The following RNF213 variants were observed in gnomAD, a reference collection of about 807,000 sequenced individuals.
RNF213 encodes the protein E3 ubiquitin-protein ligase RNF213.
RNF213 carries 341 observed loss-of-function variants against 514.4 expected under a neutral mutation model. That is an observed-to-expected ratio of 0.66 (90% CI 0.61 to 0.73). The LOEUF is 0.73. RNF213 is among the 30% of genes least tolerant of loss of function. RNF213 has a pLI of 0.00. For missense variants in RNF213, 5,767 were observed against 6,615.6 expected (o/e 0.87, Z 4.45); for synonymous variants, 2,655 against 2,658.2 (o/e 1.00, Z 0.04).
intron 8 of RNF213, among the ~76,000 whole-genome samples, chr17:80,294,016 G>C (rs2044843603): frequency 6.6e-6 from 1 of 152,198 alleles, no homozygotes; most frequent in Non-Finnish European, 1.5e-5. Flanking sequence ...GAGGAGGCCT[G>C]TCCGGGCGCT....
intron 20 of RNF213, among the ~76,000 whole-genome samples, chr17:80,329,150 C>G (rs1286779131): frequency 6.6e-6 from 1 of 152,238 alleles, no homozygotes; most frequent in African/African-American, 2.4e-5. Flanking sequence ...TGCCTGGCAC[C>G]TGGGTTAGAC....
At chr17:80,331,756 A>G (rs1296799402) in intron 20 of RNF213, among the ~76,000 whole-genome samples, 2 of 152,196 alleles carry the variant, frequency 1.3e-5, no homozygotes, top group Non-Finnish European at 2.9e-5. Flanking sequence ...CAAAGAGAGT[A>G]AATAGGTGCG....
At chr17:80,310,186 G>T (rs903008978) in intron 14 of RNF213, among the ~76,000 whole-genome samples, 1 of 152,138 alleles carries the variant, frequency 6.6e-6, no homozygotes, top group Admixed American at 6.5e-5. Context: ...TCTCTGTGCA[G>T]TTTTCACCCA....
At position 80,380,899 on chromosome 17, in the gene RNF213, G is replaced by C. The variant is rs1480766831; in HGVS notation, c.13709G>C (p.Cys4570Ser). The change falls in exon 56 of 68, where the codon TGT becomes TCT. Residue 4570 changes from cysteine to serine, a missense_variant. By Grantham distance (112) the Cys-to-Ser change is moderately radical. This residue lies in a region of RNF213 where 1,245 missense variants were observed against 1,339.0 expected (regional missense o/e 0.93). Coordinates refer to ENST00000582970, the MANE Select transcript of RNF213 (RefSeq NM_001256071.3). ...CCGCAGCGGAGAGACGTGGTGACAT[G>C]TGACCGAGGGCTGCCCCCAGTGGTC... Reference protein sequence around the residue: ...GNPQRRDVVTCDRGLPPVVFL... With the variant: ...GNPQRRDVVTSDRGLPPVVFL... 2 of 1,614,064 alleles carry C rather than the reference G, an allele frequency of 1.2e-6. No homozygotes were observed. Among genetic ancestry groups the C allele is most frequent in the African/African-American group, 2.7e-5 (2 of 74,902 alleles).
chr17:80,293,825 TAA>T, intron 8 of RNF213, among the ~76,000 whole-genome samples: 1 of 142,658 alleles, frequency 7.0e-6, no homozygotes, highest in East Asian at 2.0e-4. Flanking sequence ...AGACTCAGTC[TAA>T]AAAAAAAAAA....
rs367758434 is a variant in RNF213 at position 80,288,152 on chromosome 17, C to T, written c.599C>T (p.Thr200Met). 7.1e-5 allele frequency: 114 copies of T among 1,610,122 alleles called. No individual in the cohort carries two copies. The South Asian group carries it at 8.7e-4, about 12-fold the overall frequency. ...AQSSPQFQDH[T>M]EGEDQDASIP... ...AGCAGCCCGCAATTCCAGGACCACA[C>T]GGAAGGGGAGGACCAGGACGCTTCC... Residue 200 changes from threonine (T) to methionine (M), a missense_variant, in exon 4 of 68, where the codon ACG (threonine) becomes ATG (methionine). Around this residue, in one of 13 missense-constraint regions of RNF213, gnomAD observed 509 missense variants for 496.7 expected, o/e 1.02. Transcript: ENST00000582970. This position sits in a 1 kb window ranked among gnomAD's most constrained non-coding sequence, Gnocchi z 4.9.
chr17:80,294,682 G>T, intron 8 of RNF213, 38 bp from the exon 9 acceptor site: 1 of 1,611,690 alleles, frequency 6.2e-7, no homozygotes, highest in Non-Finnish European at 8.5e-7. Context: ...GGGTTTTGAT[G>T]GTCTTAGGTA....
At chr17:80,360,343 T>A in intron 38 of RNF213, 137 bp downstream of exon 38, 2 of 988,582 alleles carry the variant, frequency 2.0e-6, no homozygotes, top group Non-Finnish European at 3.1e-6. Flanking sequence ...GTTTGTGCAG[T>A]AAGCGTCCAA....
chr17:80,306,653 C>T (rs1282559958), intron 12 of RNF213, among the ~76,000 whole-genome samples, 185 bp downstream of exon 12: 1 of 152,042 alleles, frequency 6.6e-6, no homozygotes, highest in East Asian at 1.9e-4. Context: ...AGATCGAGAC[C>T]ATCCTGGCTA....
chr17:80,367,119 G>C (rs906418726), intron 42 of RNF213, among the ~76,000 whole-genome samples: 2 of 117,030 alleles, frequency 1.7e-5, no homozygotes, highest in Non-Finnish European at 4.2e-5. Context: ...TGGACCTAAG[G>C]TATCATGAAG....
chr17:80,278,026 G>A (rs1393623004), intron 3 of RNF213, among the ~76,000 whole-genome samples: 1 of 152,244 alleles, frequency 6.6e-6, no homozygotes, highest in African/African-American at 2.4e-5. Flanking sequence ...GGTGGCCGCT[G>A]GTTGCTGACT....
At chr17:80,355,206 G>GGACTC in intron 36 of RNF213, 1 of 456,022 alleles carries the variant, frequency 2.2e-6, no homozygotes, top group South Asian at 1.5e-5. Context: ...CTAAAAGACA[G>GGACTC]CGGACTCCTC....
Position 80,377,437 on chromosome 17 carries a change from C to CAA in RNF213, c.13511-313_13511-312dup, listed in dbSNP as rs5822350. ...AAGTTGTTATAAAATATGCTCATGA[C>CAA]AAAAAAAAAAAAATCAAGGAAAATA... On this transcript the variant is annotated intron_variant, in intron 53 of 67. Transcript: ENST00000582970. This position sits in a 1 kb window ranked among gnomAD's most constrained non-coding sequence, Gnocchi z 4.1. 0.047 allele frequency among the ~76,000 whole-genome samples: 6,779 copies of CAA among 143,230 alleles called. 210 individuals carry two copies. The highest frequency in any genetic ancestry group is 0.067 in the Non-Finnish European group (4,455 of 66,058). 94.0% of individuals were successfully genotyped at this position (143,230 alleles called of 152,430 possible).
At chr17:80,358,738 G>A (rs945734473) in intron 37 of RNF213, among the ~76,000 whole-genome samples, 5 of 152,074 alleles carry the variant, frequency 3.3e-5, no homozygotes, top group African/African-American at 9.7e-5. Context: ...GTGAAACCCC[G>A]TCTCTACTAA....
intron 28 of RNF213, 28 bp from the exon 29 acceptor site, chr17:80,344,650 C>A (rs765204565): frequency 6.2e-7 from 1 of 1,613,496 alleles, no homozygotes; most frequent in South Asian, 1.1e-5. Context: ...CTTCTTGTAA[C>A]CATTTCATTA....
Position 80,372,528 on chromosome 17 carries a change from T to C in RNF213, c.12545T>C (p.Ile4182Thr), listed in dbSNP as rs1180721719. 6.2e-7 allele frequency: 1 copy of C among 1,612,452 alleles called. No homozygotes were observed. The highest frequency in any genetic ancestry group is 8.5e-7 in the Non-Finnish European group (1 of 1,178,796). ...MLFINCLEDS[I>T]LEKTSAYSRN... Reference sequence around the variant, plus strand: ...TTGTTCCTTGTTCCTCAGGATTCAATACTTGAGAAGACCAGTGCTTACTCC... The same window carrying C: ...TTGTTCCTTGTTCCTCAGGATTCAACACTTGAGAAGACCAGTGCTTACTCC... Residue 4182 changes from isoleucine (I) to threonine (T), a missense_variant, in exon 48 of 68, where the codon ATA becomes ACA. Transcript: ENST00000582970.
In RNF213 at chr17:80,387,038, A is replaced by T. The variant is rs114842110; in HGVS notation, c.14922+147A>T. The T allele has an allele frequency of 2.3e-3, 1,828 of 783,540 alleles. 21 individuals carry two copies. The African/African-American group carries it at 0.028, about 12-fold the overall frequency. 48.5% of individuals were successfully genotyped at this position (783,540 alleles called of 1,614,324 possible). A position where few individuals can be genotyped will look rare whatever the true frequency, so the allele number is the denominator to read the frequency against. Reference sequence around the variant, plus strand: ...CCTCACACCTGCAGCTCCCGAGGCCACCACGCCACCTGTATCTCCGGGCCG... The same window carrying T: ...CCTCACACCTGCAGCTCCCGAGGCCTCCACGCCACCTGTATCTCCGGGCCG... On this transcript the variant is annotated intron_variant, in intron 63 of 67. Transcript: ENST00000582970.
At chr17:80,355,502 TGACCGG>T (rs1422100579) in intron 36 of RNF213, among the ~76,000 whole-genome samples, 1 of 33,078 alleles carries the variant, frequency 3.0e-5, no homozygotes, top group Non-Finnish European at 6.1e-5. Context: ...AGAAGCGGGG[TGACCGG>T]GAATGGGGGC....
rs2078094009 is a variant in RNF213, at chr17:80,339,735, C to T, written c.5368C>T (p.Pro1790Ser). Residue 1790 changes from proline to serine, a missense_variant, in exon 26 of 68, where the codon CCT becomes TCT. This residue lies in a region of RNF213 where 1,377 missense variants were observed against 1,635.2 expected (regional missense o/e 0.84). Coordinates refer to ENST00000582970, the MANE Select transcript of RNF213 (RefSeq NM_001256071.3). The stretch of plus-strand genomic sequence containing the variant: ...CATGGAGCAGTCCATGAGGTGCCTT[C>T]CTGCCTTCCTGCCCGACTGCCTCGA... Reference protein sequence around the residue: ...IIMEQSMRCLPAFLPDCLDLE... With the variant: ...IIMEQSMRCLSAFLPDCLDLE... 2 of 1,537,026 alleles carry T rather than the reference C, an allele frequency of 1.3e-6. No homozygotes were observed. Among genetic ancestry groups the T allele is most frequent in the Non-Finnish European group, 1.7e-6 (2 of 1,146,854 alleles).
Sources: gnomAD v4.1 joint callset for allele counts (sites outside exome capture counted in the v4.1 genomes callset) on GRCh38, gnomAD v4.1.1 for gene constraint, gnomAD v4.1.1 regional missense constraint, Gnocchi (gnomAD v3.1) non-coding constraint, MANE v1.5 for transcripts, NCBI Gene and HGNC (gene_info 2026-07-23, HGNC 2026-07-21) for gene names.